Variants in PCNT observed in about 807,000 individuals in gnomAD.
The protein encoded by PCNT is pericentrin.
Under a neutral mutation model 380.4 loss-of-function variants are expected in PCNT, and 319 were observed. The observed-to-expected ratio is 0.84, with a 90% CI of 0.77 to 0.92. PCNT has a LOEUF of 0.92. PCNT is among the 40% of genes least tolerant of loss of function. PCNT has a pLI of 0.00. For missense variants in PCNT, 4,400 were observed against 4,255.3 expected, an observed-to-expected ratio of 1.03 and a Z score of -0.95; for synonymous variants, 1,845 against 1,735.2, an observed-to-expected ratio of 1.06 and a Z score of -1.57.
rs1192166825 is a variant in PCNT, at chr21:46,425,294, C to T, written c.7180-537C>T. Reference sequence around the variant, plus strand: ...GTGTTCACAGACCTGTGGGCAGGGCCTGCTGGGGATGGTTTTCTCTGCTCC... The same window carrying T: ...GTGTTCACAGACCTGTGGGCAGGGCTTGCTGGGGATGGTTTTCTCTGCTCC... On this transcript the variant is annotated intron_variant, in intron 32 of 46. Transcript: ENST00000359568. The surrounding 1 kb of genome is among the most constrained non-coding windows in gnomAD (Gnocchi z 4.2). Among the ~76,000 whole-genome samples, 1 of 152,232 alleles carries T rather than the reference C, an allele frequency of 6.6e-6. No homozygotes were observed. Among genetic ancestry groups the T allele is most frequent in the African/African-American group, 2.4e-5 (1 of 41,466 alleles).
At chr21:46,414,793 C>A (rs1444221067) in intron 29 of PCNT, among the ~76,000 whole-genome samples, 3 of 149,480 alleles carry the variant, frequency 2.0e-5, no homozygotes, top group African/African-American at 7.5e-5. Context: ...GCCGCCCACT[C>A]TCCTCCTCCT....
intron 42 of PCNT, among the ~76,000 whole-genome samples, 153 bp downstream of exon 42, chr21:46,440,355 C>T (rs1224093702): frequency 2.6e-5 from 4 of 152,204 alleles, no homozygotes; most frequent in Non-Finnish European, 1.5e-5. Flanking sequence ...GAATAAACTT[C>T]GGCTTGAATT....
At chr21:46,324,672 A>G (rs1466452924) in intron 1 of PCNT, among the ~76,000 whole-genome samples, 1 of 151,444 alleles carries the variant, frequency 6.6e-6, no homozygotes, top group African/African-American at 2.4e-5. Flanking sequence ...GGGGCGCGGC[A>G]GGCGCTGGAC....
At chr21:46,391,875 C>T (rs761241138) in intron 21 of PCNT, among the ~76,000 whole-genome samples, 16 of 152,220 alleles carry the variant, frequency 1.1e-4, no homozygotes, top group Admixed American at 2.0e-4. Flanking sequence ...CAGGGAGCTG[C>T]GTCCTCAGTA....
At chr21:46,413,458 A>G (rs2086886176) in intron 29 of PCNT, among the ~76,000 whole-genome samples, 1 of 152,252 alleles carries the variant, frequency 6.6e-6, no homozygotes, top group Non-Finnish European at 1.5e-5. Flanking sequence ...TGAGGAGCAC[A>G]GTCCGTGCCT....
chr21:46,422,927 A>T (rs1391683772), intron 32 of PCNT, among the ~76,000 whole-genome samples: 2 of 152,076 alleles, frequency 1.3e-5, no homozygotes, highest in Non-Finnish European at 2.9e-5. Context: ...TTAAGTGAGG[A>T]CTTACTGCAT....
At chr21:46,364,907 G>A (rs1232778050) in intron 14 of PCNT, among the ~76,000 whole-genome samples, 2 of 152,244 alleles carry the variant, frequency 1.3e-5, no homozygotes. Context: ...CTCAAGAGAG[G>A]CTTCCAGGCG....
chr21:46,436,403 G>T (rs2053449199), intron 39 of PCNT, among the ~76,000 whole-genome samples: 1 of 145,830 alleles, frequency 6.9e-6, no homozygotes, highest in Non-Finnish European at 1.5e-5. Context: ...TTGAGGGTTG[G>T]CTTGGTTCTC....
intron 3 of PCNT, among the ~76,000 whole-genome samples, chr21:46,336,986 T>TTTTG (rs71318067): frequency 3.9e-4 from 57 of 146,992 alleles, no homozygotes; most frequent in African/African-American, 1.3e-3. Flanking sequence ...AGGTTGTTTT[T>TTTTG]TTTGTTTGTT....
rs1263982126 is a variant in PCNT, at chr21:46,411,304, A to AAGTCAT, written c.5232_5237dup (p.Val1745_Ile1746dup). The AAGTCAT allele has an allele frequency of 6.2e-7, 1 of 1,614,100 alleles. No homozygotes were observed. Among genetic ancestry groups the AAGTCAT allele is most frequent in the Non-Finnish European group, 8.5e-7 (1 of 1,180,040 alleles). On this transcript the variant is annotated inframe_insertion, in exon 28 of 47. Transcript: ENST00000359568. ...GCAGAGGAAATTGAACAACTCCATG[A>AAGTCAT]AGTCATTGAGAAGCTGCAGCACGAG...
chr21:46,369,563 A>C (rs1365157657), intron 15 of PCNT, among the ~76,000 whole-genome samples: 2 of 152,242 alleles, frequency 1.3e-5, no homozygotes, highest in Non-Finnish European at 2.9e-5. Flanking sequence ...CAAGCTGTGG[A>C]TTTAAAATTA....
intron 25 of PCNT, among the ~76,000 whole-genome samples, chr21:46,400,833 T>A (rs1214631655): frequency 6.6e-6 from 1 of 152,174 alleles, no homozygotes; most frequent in Non-Finnish European, 1.5e-5. Context: ...TGTGTCTGAT[T>A]CTCGTAAGTG....
rs147922690 is a variant in PCNT at position 46,424,033 on chromosome 21, C to T, written c.7180-1798C>T. 2.6e-4 allele frequency among the ~76,000 whole-genome samples: 39 copies of T among 152,292 alleles called. 1 individual carries two copies. In the East Asian group the frequency reaches 7.5e-3, roughly 29 times the overall value. On this transcript the variant is annotated intron_variant, in intron 32 of 46. Transcript: ENST00000359568. ...GTGTGGAGCCCTGGGGTTGTGCCCA[C>T]ACTGACGCCGCAGTGGGGAACTGAG...
intron 18 of PCNT, 132 bp downstream of exon 18, chr21:46,389,016 C>T (rs1050511163): frequency 3.6e-5 from 51 of 1,415,968 alleles, no homozygotes; most frequent in African/African-American, 8.5e-5. Flanking sequence ...TGCTAGTTTC[C>T]GCACTTACAG....
rs574750885 is a variant in PCNT, at chr21:46,419,398, G to A, written c.7024+1092G>A. On this transcript the variant is annotated intron_variant, in intron 31 of 46. Coordinates refer to ENST00000359568, the MANE Select transcript of PCNT (RefSeq NM_006031.6). Reference sequence around the variant, plus strand: ...ATTCAACTCTCAGAAATGTCTTCTCGTATTTGCTTTATTTTCAAACTCTAT... The same window carrying A: ...ATTCAACTCTCAGAAATGTCTTCTCATATTTGCTTTATTTTCAAACTCTAT... Among the ~76,000 whole-genome samples, 8 of 152,252 alleles carry A rather than the reference G, an allele frequency of 5.3e-5. No homozygotes were observed. In the South Asian group the frequency reaches 1.2e-3, roughly 24 times the overall value.
rs2839251 is a variant in PCNT at position 46,421,778 on chromosome 21, C to T, written c.7025-192C>T. Among the ~76,000 whole-genome samples the T allele has an allele frequency of 0.12, 18,032 of 152,230 alleles. 1,192 individuals are homozygous for T. The highest frequency in any genetic ancestry group is 0.22 in the East Asian group (1,112 of 5,168). ...AAGTTGCGTTTTCTTACTTGACGTG[C>T]GTCTTTCTCACCAGGGTTATGTTTT... On this transcript the variant is annotated intron_variant, in intron 31 of 46. Coordinates refer to ENST00000359568, the MANE Select transcript of PCNT (RefSeq NM_006031.6).
rs935848704 is a variant in PCNT, at chr21:46,388,365, GGTGCACCCT to G, written c.3465-372_3465-364del. ...CAGACATCTTGTGAAATGGCTGGCT[GGTGCACCCT>G]GTGCTCCAGGGGAGGGGCGGAGCCT... On this transcript the variant is annotated intron_variant, in intron 17 of 46. Coordinates refer to ENST00000359568, the MANE Select transcript of PCNT (RefSeq NM_006031.6). This position sits in a 1 kb window ranked among gnomAD's most constrained non-coding sequence, Gnocchi z 4.2. 6.6e-6 allele frequency among the ~76,000 whole-genome samples: 1 copy of G among 152,198 alleles called. No individual in the cohort carries two copies. Among genetic ancestry groups the G allele is most frequent in the African/African-American group, 2.4e-5 (1 of 41,464 alleles).
intron 3 of PCNT, among the ~76,000 whole-genome samples, chr21:46,335,136 C>T (rs1178628235): frequency 6.6e-6 from 1 of 152,146 alleles, no homozygotes; most frequent in African/African-American, 2.4e-5. Context: ...GATTGACTCA[C>T]CTGTCTGTTC....
At chr21:46,371,084 A>G (rs1412866250) in intron 15 of PCNT, among the ~76,000 whole-genome samples, 2 of 151,962 alleles carry the variant, frequency 1.3e-5, no homozygotes, top group African/African-American at 2.4e-5. Flanking sequence ...TTAACCAGGC[A>G]TGGTGGTGCA....
Sources: gnomAD v4.1 joint callset for allele counts (sites outside exome capture counted in the v4.1 genomes callset) on GRCh38, gnomAD v4.1.1 for gene constraint, Gnocchi (gnomAD v3.1) non-coding constraint, MANE v1.5 for transcripts, NCBI Gene and HGNC (gene_info 2026-07-23, HGNC 2026-07-21) for gene names.